KAZN: variants seen among roughly 807,000 people sequenced by gnomAD.
The protein encoded by KAZN is kazrin.
In KAZN, 40 loss-of-function variants were observed where a neutral mutation model predicts 87.4. The observed-to-expected ratio is 0.46, with a 90% CI of 0.36 to 0.60. The LOEUF (loss-of-function observed/expected upper bound fraction) is 0.60. KAZN is among the 20% of genes least tolerant of loss of function. KAZN has a pLI of 0.00. For synonymous variants in KAZN, 466 were observed against 458.3 expected, an observed-to-expected ratio of 1.02 and a Z score of -0.22; for missense variants, 898 against 1,073.9, an observed-to-expected ratio of 0.84 and a Z score of 2.29.
At chr1:14,194,364 C>T (rs750480699) in intron 2 of KAZN, among the ~76,000 whole-genome samples, 9 of 152,154 alleles carry the variant, frequency 5.9e-5, no homozygotes, top group Non-Finnish European at 5.9e-5. Context: ...TTCTGTCCAC[C>T]ATCTTCTGCC....
At chr1:14,446,001 A>G (rs1666963871) in intron 2 of KAZN, among the ~76,000 whole-genome samples, 1 of 150,688 alleles carries the variant, frequency 6.6e-6, no homozygotes, top group Admixed American at 6.6e-5. Flanking sequence ...TTCAAGACTG[A>G]GCAACATGGC....
At chr1:14,719,765 G>A (rs1035902082) in intron 1 of KAZN, among the ~76,000 whole-genome samples, 11 of 152,188 alleles carry the variant, frequency 7.2e-5, no homozygotes, top group African/African-American at 2.4e-4. Flanking sequence ...CTTGAACCCA[G>A]GAGGTGGAGG....
At chr1:14,321,647 A>G (rs535038822) in intron 2 of KAZN, among the ~76,000 whole-genome samples, 1 of 152,314 alleles carries the variant, frequency 6.6e-6, no homozygotes, top group Admixed American at 6.5e-5. Flanking sequence ...TGTACTATAA[A>G]AGCATCATTC....
At chr1:14,927,854 C>G (rs570599274) in intron 1 of KAZN, among the ~76,000 whole-genome samples, 1 of 152,208 alleles carries the variant, frequency 6.6e-6, no homozygotes, top group South Asian at 2.1e-4. Flanking sequence ...ACATGAAACC[C>G]GCGGTTGAGG....
At chr1:14,194,893 T>C (rs1646494425) in intron 2 of KAZN, among the ~76,000 whole-genome samples, 1 of 152,138 alleles carries the variant, frequency 6.6e-6, no homozygotes, top group Non-Finnish European at 1.5e-5. Context: ...CTCAACCTGT[T>C]ACGTGACTGC....
chr1:14,937,548 G>C (rs1396335070), intron 1 of KAZN, among the ~76,000 whole-genome samples: 1 of 152,148 alleles, frequency 6.6e-6, no homozygotes. Context: ...AGGACCCCTG[G>C]ATCTATCAGC....
chr1:14,027,586 T>C (rs1174505108), intron 1 of KAZN, among the ~76,000 whole-genome samples: 1 of 152,164 alleles, frequency 6.6e-6, no homozygotes, highest in Non-Finnish European at 1.5e-5. Context: ...ATTACAATAC[T>C]GTGTTCCTAC....
At chr1:14,416,049 G>A (rs766355941) in intron 2 of KAZN, among the ~76,000 whole-genome samples, 2 of 152,152 alleles carry the variant, frequency 1.3e-5, no homozygotes, top group Non-Finnish European at 1.5e-5. Context: ...GGCTGCTGAA[G>A]AGTTTGCAGA....
intron 2 of KAZN, among the ~76,000 whole-genome samples, chr1:14,544,383 A>C (rs1381206117): frequency 7.8e-6 from 1 of 128,276 alleles, no homozygotes; most frequent in Non-Finnish European, 1.6e-5. Flanking sequence ...CTTTTAAAGA[A>C]TCTTCTCAAA....
chr1:14,835,689 G>A (rs1016319036), intron 1 of KAZN, among the ~76,000 whole-genome samples: 1 of 152,158 alleles, frequency 6.6e-6, no homozygotes, highest in African/African-American at 2.4e-5. Context: ...GTCACTGGAA[G>A]GGAAATGGGA....
At chr1:13,893,810 C>A in intron 1 of KAZN, 1 of 1,540,968 alleles carries the variant, frequency 6.5e-7, no homozygotes. Flanking sequence ...GGAGCGTTAT[C>A]CCGGGTCCCC....
At chr1:13,906,056 C>T (rs185235215) in intron 1 of KAZN, among the ~76,000 whole-genome samples, 3 of 152,258 alleles carry the variant, frequency 2.0e-5, no homozygotes, top group African/African-American at 7.2e-5. Context: ...GCAATTAGAG[C>T]CCACTCGGAT....
chr1:14,877,945 A>T (rs971105509), intron 1 of KAZN, among the ~76,000 whole-genome samples: 4 of 152,156 alleles, frequency 2.6e-5, no homozygotes, highest in African/African-American at 9.7e-5. Flanking sequence ...GCACATTGGG[A>T]GAGACAGACA....
intron 1 of KAZN, among the ~76,000 whole-genome samples, chr1:14,926,693 C>T (rs1304841067): frequency 2.0e-5 from 3 of 152,204 alleles, no homozygotes; most frequent in Non-Finnish European, 4.4e-5. Flanking sequence ...AGGGGCTTTC[C>T]TCTAGGAGGG....
intron 2 of KAZN, among the ~76,000 whole-genome samples, chr1:14,418,372 A>G (rs1360491840): frequency 2.0e-5 from 3 of 152,170 alleles, no homozygotes; most frequent in East Asian, 1.9e-4. Flanking sequence ...TAATATGCAT[A>G]AAGTAGTTTG....
chr1:14,938,280 G>T (rs1040026051), intron 1 of KAZN, among the ~76,000 whole-genome samples: 1 of 152,158 alleles, frequency 6.6e-6, no homozygotes, highest in Admixed American at 6.5e-5. Flanking sequence ...GGTGGCTCAC[G>T]CCTGTAATCC....
At chr1:14,793,991 A>C (rs1184615339) in intron 1 of KAZN, among the ~76,000 whole-genome samples, 4 of 152,198 alleles carry the variant, frequency 2.6e-5, no homozygotes, top group Non-Finnish European at 5.9e-5. Context: ...ATTTCAGGGT[A>C]ATCAAAAGTA....
intron 1 of KAZN, among the ~76,000 whole-genome samples, chr1:14,056,539 C>T (rs151028650): frequency 1.1e-4 from 16 of 152,326 alleles, no homozygotes; most frequent in South Asian, 4.1e-4. Flanking sequence ...TTTTGATCTC[C>T]AGAATTATAA....
chr1:15,082,358 T>G lies in KAZN; in HGVS notation c.1223-11822T>G, dbSNP rs766123. 9.8e-3 allele frequency among the ~76,000 whole-genome samples: 1,497 copies of G among 152,256 alleles called. 42 individuals are homozygous for G. The highest frequency in any genetic ancestry group is 0.085 in the East Asian group (440 of 5,178). On this transcript the variant is annotated intron_variant, in intron 8 of 14. Coordinates refer to ENST00000376030, the MANE Select transcript of KAZN (RefSeq NM_201628.3). ...AGGGAGCTCTGCATCCAGGCACACA[T>G]TTGACCCCAGGGATGCAGATGCCAG...
Sources: allele counts gnomAD v4.1 joint callset (sites outside exome capture counted in the v4.1 genomes callset), GRCh38; gene constraint gnomAD v4.1.1; transcripts MANE v1.5; gene names NCBI Gene and HGNC (gene_info 2026-07-23, HGNC 2026-07-21).